ZNF639: variants seen among roughly 807,000 people sequenced by gnomAD.
ZNF639 encodes the protein zinc finger amplified in esophageal squamous cell carcinomas 1.
Under a neutral mutation model 39.8 loss-of-function variants are expected in ZNF639, and 20 were observed. The observed-to-expected ratio is 0.50, with a 90% CI of 0.35 to 0.73. The LOEUF (loss-of-function observed/expected upper bound fraction) is 0.73. Among genes scored for constraint, ZNF639 ranks in the 30% least tolerant of loss-of-function variants. ZNF639 has a pLI of 0.00. For missense variants in ZNF639, 477 were observed against 566.2 expected, an observed-to-expected ratio of 0.84 and a Z score of 1.60; for synonymous variants, 176 against 189.8, an observed-to-expected ratio of 0.93 and a Z score of 0.60.
At chr3:179,332,440 T>C (rs1236785480) in intron 4 of ZNF639, among the ~76,000 whole-genome samples, 3 of 152,118 alleles carry the variant, frequency 2.0e-5, no homozygotes, top group Admixed American at 2.0e-4. Context: ...CTGGACAACA[T>C]AGCAAGACCC....
Position 179,333,482 on chromosome 3 carries a change from C to T in ZNF639, c.518C>T (p.Ala173Val), listed in dbSNP as rs550278054. 2 of 1,614,144 alleles carry T rather than the reference C, an allele frequency of 1.2e-6. No homozygotes were observed. The highest frequency in any genetic ancestry group is 2.2e-5 in the South Asian group (2 of 91,086). Residue 173 changes from alanine (A) to valine (V), a missense_variant, in exon 6 of 6, where the codon GCT becomes GTT. By Grantham distance (64) the Ala-to-Val change is moderately conservative. Transcript: ENST00000496856. ...LQDQTDEEPP[A>V]KLCKILDKSQ... ...GACCAAACTGATGAAGAACCGCCAG[C>T]TAAACTTTGTAAAATTCTTGACAAG...
chr3:179,324,699 C>G (rs555640295), intron 1 of ZNF639, among the ~76,000 whole-genome samples: 10 of 152,312 alleles, frequency 6.6e-5, no homozygotes, highest in South Asian at 6.2e-4. Context: ...CTCCTCTCAC[C>G]TAACAGCCTG....
Position 179,336,596 on chromosome 3 carries a change from TAGAA to T in ZNF639, c.*2177_*2180del, listed in dbSNP as rs1333447962. 6.6e-6 allele frequency: 1 copy of T among 152,256 alleles called. No homozygotes were observed. The highest frequency in any genetic ancestry group is 1.5e-5 in the Non-Finnish European group (1 of 68,036). The allele number at this position is 152,256 out of a possible 1,614,324, so 9.4% of individuals were successfully genotyped here. ...AACAGTTTAAATTGTAAGATAACCT[TAGAA>T]AGCATCTGGTCTAAACCCTCCAGTT... On this transcript the variant is annotated 3_prime_UTR_variant, in exon 6 of 6. Transcript: ENST00000496856.
rs538085634 is a variant in ZNF639, at chr3:179,338,116, A to C, written c.*3694A>C. On this transcript the variant is annotated 3_prime_UTR_variant, in exon 6 of 6. Transcript: ENST00000496856. The stretch of plus-strand genomic sequence containing the variant: ...TCAGAAAAACAAACCTACCTAAAAA[A>C]ATTAACACTCCTGGTTTTGTTTTGT... The C allele has an allele frequency of 2.6e-5, 4 of 152,136 alleles. No homozygotes were observed. Among genetic ancestry groups the C allele is most frequent in the Non-Finnish European group, 5.9e-5 (4 of 68,024 alleles). The allele number at this position is 152,136 out of a possible 1,614,324, so 9.4% of individuals were successfully genotyped here. A position where few individuals can be genotyped will look rare whatever the true frequency, so the allele number is the denominator to read the frequency against.
rs35983049 is a variant in ZNF639, at chr3:179,333,684, A to G, written c.720A>G (p.Glu240=). Reference sequence around the variant, plus strand: ...CAAATGTGTGTCGAGTATGCAAGGAAAGTTTCTCTACCAATATGCTTCTGA... The same window carrying G: ...CAAATGTGTGTCGAGTATGCAAGGAGAGTTTCTCTACCAATATGCTTCTGA... The part of the protein sequence containing the change: ...TDSNVCRVCK[E]SFSTNMLLIE... The change falls in exon 6 of 6, where the codon GAA becomes GAG. Residue 240 remains glutamate (E), a synonymous_variant. Transcript: ENST00000496856. 0.15 allele frequency: 237,013 copies of G among 1,614,008 alleles called. 18,678 individuals carry two copies. The highest frequency in any genetic ancestry group is 0.17 in the Non-Finnish European group (194,716 of 1,179,960).
At position 179,336,723 on chromosome 3, in the gene ZNF639, T is replaced by C. The variant is rs1711539929; in HGVS notation, c.*2301T>C. On this transcript the variant is annotated 3_prime_UTR_variant, in exon 6 of 6. Coordinates refer to ENST00000496856, the MANE Select transcript of ZNF639 (RefSeq NM_001303426.2). ...GGGAGTGGGATCCAGGTTATCTGGTTTACTGTCTAGTGATGTTTCCATTAC... is the reference window on the plus strand; with the variant it reads ...GGGAGTGGGATCCAGGTTATCTGGTCTACTGTCTAGTGATGTTTCCATTAC... 1 of 152,222 alleles carries C rather than the reference T, an allele frequency of 6.6e-6. No individual in the cohort carries two copies. Among genetic ancestry groups the C allele is most frequent in the Non-Finnish European group, 1.5e-5 (1 of 68,044 alleles). The allele number at this position is 152,222 out of a possible 1,614,324, so 9.4% of individuals were successfully genotyped here.
chr3:179,332,991 G>A lies in ZNF639; in HGVS notation c.172G>A (p.Asp58Asn), dbSNP rs775328158. ...TTCTTCCAAATCCCTTTTTACAGAT[G>A]ATGATTCTGATACCGAGACGTCAAA... is the stretch of plus-strand genomic sequence containing the variant. Reference protein sequence around the residue: ...PDLKYFDNKDDDSDTETSNDL... With the variant: ...PDLKYFDNKDNDSDTETSNDL... Residue 58 changes from aspartate (D) to asparagine (N), a missense_variant and splice_region_variant, in exon 5 of 6, where the codon GAT becomes AAT. Transcript: ENST00000496856. The A allele has an allele frequency of 4.5e-5, 69 of 1,545,316 alleles. No individual in the cohort carries two copies. In the Admixed American group the frequency reaches 1.4e-3, roughly 31 times the overall value.
chr3:179,330,901 T>A lies in ZNF639; in HGVS notation c.169+1173T>A, dbSNP rs149424210. Among the ~76,000 whole-genome samples, 151 of 152,360 alleles carry A rather than the reference T, an allele frequency of 9.9e-4. 1 individual carries two copies. Among genetic ancestry groups the A allele is most frequent in the African/African-American group, 3.4e-3 (142 of 41,584 alleles). On this transcript the variant is annotated intron_variant, in intron 4 of 5. Coordinates refer to ENST00000496856, the MANE Select transcript of ZNF639 (RefSeq NM_001303426.2). ...GCTACATACAGAATGCTTGTAGATATGTGTGTGTATATATATGTGGTACTG... is the reference window on the plus strand; with the variant it reads ...GCTACATACAGAATGCTTGTAGATAAGTGTGTGTATATATATGTGGTACTG...
At chr3:179,324,491 A>G (rs1262479954) in intron 1 of ZNF639, among the ~76,000 whole-genome samples, 1 of 152,232 alleles carries the variant, frequency 6.6e-6, no homozygotes, top group Non-Finnish European at 1.5e-5. Context: ...TGTTTATGAC[A>G]TCCTTGAGTA....
chr3:179,331,184 A>T (rs1480577261), intron 4 of ZNF639, among the ~76,000 whole-genome samples: 1 of 152,218 alleles, frequency 6.6e-6, no homozygotes, highest in Non-Finnish European at 1.5e-5. Context: ...GTCAACTTAA[A>T]GAGCTCCCAA....
chr3:179,327,031 A>G (rs543784220), intron 1 of ZNF639, among the ~76,000 whole-genome samples: 1 of 151,982 alleles, frequency 6.6e-6, no homozygotes, highest in Admixed American at 6.5e-5. Flanking sequence ...CTCTGCTAAA[A>G]ATAGAAAAAT....
chr3:179,330,239 A>G lies in ZNF639; in HGVS notation c.169+511A>G, dbSNP rs73043426. ...ATTTTAACTTTTAACATTATTTCTG[A>G]CATATAAATAAAAAAGTGCACTCTC... On this transcript the variant is annotated intron_variant, in intron 4 of 5. Transcript: ENST00000496856. 5.0e-3 allele frequency among the ~76,000 whole-genome samples: 754 copies of G among 151,896 alleles called. 7 individuals carry two copies. The highest frequency in any genetic ancestry group is 0.017 in the African/African-American group (715 of 41,414).
chr3:179,326,786 C>T (rs1034048828), intron 1 of ZNF639, among the ~76,000 whole-genome samples: 44 of 151,804 alleles, frequency 2.9e-4, no homozygotes, highest in African/African-American at 8.0e-4. Flanking sequence ...CCATCACACC[C>T]GGCTGATTTT....
At chr3:179,326,846 G>C (rs757219420) in intron 1 of ZNF639, among the ~76,000 whole-genome samples, 1 of 151,396 alleles carries the variant, frequency 6.6e-6, no homozygotes, top group African/African-American at 2.4e-5. Context: ...GGCTGGTCTC[G>C]ATCTTTTATT....
chr3:179,328,229 G>T (rs573281452), intron 2 of ZNF639, 54 bp from the exon 3 acceptor site: 2 of 1,009,606 alleles, frequency 2.0e-6, no homozygotes, highest in South Asian at 3.0e-5. Context: ...TTTTTATAAC[G>T]TCATTAACAG....
Position 179,333,416 on chromosome 3 carries a change from A to G in ZNF639, c.452A>G (p.Tyr151Cys). ...AVEVHAISEDYDIETENNSSE... is the reference protein window; with the variant it reads ...AVEVHAISEDCDIETENNSSE... ...GAAGTGCATGCGATTTCTGAGGATT[A>G]TGATATAGAGACAGAAAACAATTCC... is the stretch of plus-strand genomic sequence containing the variant. The change falls in exon 6 of 6, where the codon TAT (tyrosine) becomes TGT (cysteine). Residue 151 changes from tyrosine (Y) to cysteine (C), a missense_variant. Physicochemically the swap from Tyr to Cys is radical, Grantham distance 194. Coordinates refer to ENST00000496856, the MANE Select transcript of ZNF639 (RefSeq NM_001303426.2). 6.2e-7 allele frequency: 1 copy of G among 1,614,164 alleles called. No individual in the cohort carries two copies. Among genetic ancestry groups the G allele is most frequent in the African/African-American group, 1.3e-5 (1 of 75,042 alleles).
At chr3:179,326,483 T>C (rs1048119321) in intron 1 of ZNF639, among the ~76,000 whole-genome samples, 3 of 152,256 alleles carry the variant, frequency 2.0e-5, no homozygotes, top group African/African-American at 7.2e-5. Flanking sequence ...ACAGGAACTA[T>C]AATTTTGAGA....
At chr3:179,325,187 A>G (rs1216501620) in intron 1 of ZNF639, 3 of 152,154 alleles carry the variant, frequency 2.0e-5, no homozygotes, top group African/African-American at 7.2e-5. Flanking sequence ...ACGCCCGGCT[A>G]ATTTTGTATT....
At chr3:179,329,909 CTTTTTTTTTT>C (rs71181282) in intron 4 of ZNF639, 181 bp downstream of exon 4, 194 of 208,180 alleles carry the variant, frequency 9.3e-4, no homozygotes, top group East Asian at 1.9e-3. Context: ...TTTAACTATT[CTTTTTTTTTT>C]TTTTTTTTTT....
Sources: allele counts gnomAD v4.1 joint callset (sites outside exome capture counted in the v4.1 genomes callset), GRCh38; gene constraint gnomAD v4.1.1; transcripts MANE v1.5; gene names NCBI Gene and HGNC (gene_info 2026-07-23, HGNC 2026-07-21).